Variants in ALG5 observed in about 807,000 individuals in gnomAD.
ALG5 encodes ALG5 dolichyl-phosphate beta-glucosyltransferase.
A neutral mutation model predicts 51.8 loss-of-function variants in ALG5; 26 were observed. The ratio of observed to expected loss-of-function variants is 0.50; its 90% CI spans 0.37 to 0.70. ALG5 has a LOEUF of 0.70. ALG5 is among the 30% of genes least tolerant of loss of function. ALG5 has a pLI of 0.00. For missense variants in ALG5, 311 were observed against 399.3 expected (o/e 0.78, Z 1.88); for synonymous variants, 141 against 136.1 (o/e 1.04, Z -0.25).
At chr13:36,959,341 A>C (rs981928668) in intron 8 of ALG5, among the ~76,000 whole-genome samples, 1 of 152,190 alleles carries the variant, frequency 6.6e-6, no homozygotes, top group Non-Finnish European at 1.5e-5. Flanking sequence ...AAAATTGCTA[A>C]GATAGTAAAT....
chr13:36,952,378 T>C (rs2058822304), intron 9 of ALG5, 136 bp downstream of exon 9: 8 of 645,718 alleles, frequency 1.2e-5, no homozygotes, highest in South Asian at 1.2e-4. Context: ...CTATTCTCCT[T>C]GGAACTGGAT....
Position 36,993,664 on chromosome 13 carries a change from A to G in ALG5, c.294T>C (p.Asp98=), listed in dbSNP as rs543832880. ...LSYLEKRQKR[D]PAFTYEVIVV... Reference sequence around the variant, plus strand: ...CTATCACTTCATAAGTGAACGCAGGATCTCGTTTCTGCAAGAAACAAAAAT... The same window carrying G: ...CTATCACTTCATAAGTGAACGCAGGGTCTCGTTTCTGCAAGAAACAAAAAT... The change falls in exon 4 of 10, where the codon GAT becomes GAC. Residue 98 remains aspartate (D), a synonymous_variant. Coordinates refer to ENST00000239891, the MANE Select transcript of ALG5 (RefSeq NM_013338.5). 6.2e-7 allele frequency: 1 copy of G among 1,613,390 alleles called. No individual in the cohort carries two copies. Among genetic ancestry groups the G allele is most frequent in the East Asian group, 2.2e-5 (1 of 44,868 alleles).
rs537578305 is a variant in ALG5 at position 36,953,603 on chromosome 13, G to A, written c.774-1004C>T. On this transcript the variant is annotated intron_variant, in intron 8 of 9. Coordinates refer to ENST00000239891, the MANE Select transcript of ALG5 (RefSeq NM_013338.5). ...CACAGAGCACAGTTCAAACTTCTAG[G>A]GCCTGGTGTAAAACATTATTAATAC... Among the ~76,000 whole-genome samples the A allele has an allele frequency of 7.0e-4, 106 of 152,128 alleles. 1 individual carries two copies. Among genetic ancestry groups the A allele is most frequent in the African/African-American group, 2.4e-3 (100 of 41,486 alleles).
chr13:36,999,099 C>G, intron 1 of ALG5, 136 bp downstream of exon 1: 1 of 697,030 alleles, frequency 1.4e-6, no homozygotes. Context: ...ACTCCGAGGT[C>G]AGGAATTTGG....
At chr13:36,988,547 C>T (rs937153367) in intron 5 of ALG5, among the ~76,000 whole-genome samples, 2 of 152,228 alleles carry the variant, frequency 1.3e-5, no homozygotes, top group South Asian at 4.1e-4. Context: ...GTGAAACTAA[C>T]TGCATCCAAA....
intron 5 of ALG5, among the ~76,000 whole-genome samples, chr13:36,988,224 C>T (rs1213155310): frequency 2.0e-5 from 3 of 152,214 alleles, no homozygotes; most frequent in Non-Finnish European, 4.4e-5. Flanking sequence ...TGGCAATGGT[C>T]TGTCTCCCTA....
rs371841740 is a variant in ALG5 at position 36,989,992 on chromosome 13, C to G, written c.355-416G>C. 1.2e-4 allele frequency among the ~76,000 whole-genome samples: 18 copies of G among 152,326 alleles called. No individual in the cohort carries two copies. In the South Asian group the frequency reaches 3.7e-3, roughly 32 times the overall value. On this transcript the variant is annotated intron_variant, in intron 4 of 9. Transcript: ENST00000239891. ...TTGTATTTGTTCTGGTCTGCAATCG[C>G]TCTTATTCCCCAGAGAGGCTGTTTG... is the stretch of plus-strand genomic sequence containing the variant.
At chr13:36,978,368 G>A (rs1255272223) in intron 6 of ALG5, among the ~76,000 whole-genome samples, 1 of 151,680 alleles carries the variant, frequency 6.6e-6, no homozygotes, top group African/African-American at 2.4e-5. Flanking sequence ...TATATTTTCA[G>A]TAGAGATGGG....
At chr13:36,954,200 A>C (rs2058830113) in intron 8 of ALG5, among the ~76,000 whole-genome samples, 1 of 152,100 alleles carries the variant, frequency 6.6e-6, no homozygotes, top group African/African-American at 2.4e-5. Flanking sequence ...TGATCCTCCC[A>C]CCTTTGCCTC....
intron 4 of ALG5, among the ~76,000 whole-genome samples, chr13:36,991,734 T>A (rs1406474912): frequency 6.6e-6 from 1 of 152,204 alleles, no homozygotes; most frequent in East Asian, 1.9e-4. Context: ...TTTTCGTTCC[T>A]AGTTAAAAAG....
Position 36,996,555 on chromosome 13 carries a change from G to A in ALG5, c.67-959C>T, listed in dbSNP as rs760276543. 7.2e-5 allele frequency among the ~76,000 whole-genome samples: 11 copies of A among 152,090 alleles called. No individual in the cohort carries two copies. The East Asian group carries it at 1.7e-3, about 24-fold the overall frequency. On this transcript the variant is annotated intron_variant, in intron 1 of 9. Transcript: ENST00000239891. ...TGGCCTATGATGCAAGAATCTGATC[G>A]TCCTCCCACTTCCCCCCTGCCAAAA... is the stretch of plus-strand genomic sequence containing the variant.
chr13:36,987,627 G>A (rs773706146), intron 5 of ALG5, among the ~76,000 whole-genome samples: 1 of 152,170 alleles, frequency 6.6e-6, no homozygotes, highest in Non-Finnish European at 1.5e-5. Flanking sequence ...ACCATGCTCC[G>A]TGTACAGCAT....
chr13:36,967,277 G>A (rs2058899127), intron 7 of ALG5, among the ~76,000 whole-genome samples: 1 of 151,688 alleles, frequency 6.6e-6, no homozygotes, highest in Admixed American at 6.6e-5. Context: ...AAACTAGGAG[G>A]CCTATATTGG....
chr13:36,967,224 A>C (rs1224465243), intron 7 of ALG5, among the ~76,000 whole-genome samples: 1 of 146,654 alleles, frequency 6.8e-6, no homozygotes, highest in Non-Finnish European at 1.5e-5. Context: ...CTCCAACTCA[A>C]AAAAAAAAAA....
intron 8 of ALG5, among the ~76,000 whole-genome samples, chr13:36,963,843 T>C (rs949342968): frequency 1.3e-5 from 2 of 152,150 alleles, no homozygotes; most frequent in African/African-American, 4.8e-5. Context: ...ACTGGCATAA[T>C]CATGCAGATA....
At chr13:36,970,468 C>T (rs930461482) in intron 7 of ALG5, among the ~76,000 whole-genome samples, 4 of 151,954 alleles carry the variant, frequency 2.6e-5, no homozygotes, top group Admixed American at 6.6e-5. Context: ...GGTGTGGTGG[C>T]GCACGCCTGT....
At chr13:36,955,912 T>C (rs996487931) in intron 8 of ALG5, among the ~76,000 whole-genome samples, 7 of 151,980 alleles carry the variant, frequency 4.6e-5, no homozygotes, top group African/African-American at 1.2e-4. Context: ...AGAAAACATA[T>C]GGAAAAAACT....
chr13:36,976,425 CAAAAAAAA>C (rs57192095), intron 6 of ALG5, among the ~76,000 whole-genome samples: 3 of 36,602 alleles, frequency 8.2e-5, no homozygotes, highest in African/African-American at 2.1e-4. Flanking sequence ...GACTCTGTCT[CAAAAAAAA>C]AAAAAAAAAA....
intron 2 of ALG5, 143 bp downstream of exon 2, chr13:36,995,282 G>T: frequency 1.1e-6 from 1 of 931,108 alleles, no homozygotes; most frequent in Non-Finnish European, 1.6e-6. Context: ...TTCCCTCTCT[G>T]CCGAACTACA....
Sources: allele counts gnomAD v4.1 joint callset (sites outside exome capture counted in the v4.1 genomes callset), GRCh38; gene constraint gnomAD v4.1.1; transcripts MANE v1.5; gene names NCBI Gene and HGNC (gene_info 2026-07-23, HGNC 2026-07-21).